Variants in NTM observed in about 807,000 individuals in gnomAD.
The protein encoded by NTM is IgLON family member 2.
Under a neutral mutation model 42.1 loss-of-function variants are expected in NTM, and 13 were observed. That is an observed-to-expected ratio of 0.31 (90% CI 0.20 to 0.49). NTM has a LOEUF of 0.49. Among genes scored for constraint, NTM ranks in the 20% least tolerant of loss-of-function variants. The probability of loss-of-function intolerance (pLI) is 0.99; values close to 1 mark genes in which losing one functional copy is unlikely to be tolerated. For missense variants in NTM, 373 were observed against 452.8 expected (o/e 0.82, Z 1.60); for synonymous variants, 187 against 179.2 (o/e 1.04, Z -0.35).
At chr11:132,132,129 T>A (rs2066932580) in intron 2 of NTM, among the ~76,000 whole-genome samples, 1 of 152,206 alleles carries the variant, frequency 6.6e-6, no homozygotes, top group Non-Finnish European at 1.5e-5. Flanking sequence ...TTCCTCTGCC[T>A]GACGTTTTAT....
At position 131,654,781 on chromosome 11, in the gene NTM, T is replaced by G. The variant is rs116971633; in HGVS notation, c.83-256783T>G. Among the ~76,000 whole-genome samples the G allele has an allele frequency of 6.5e-3, 989 of 152,250 alleles. 11 individuals carry two copies. Among genetic ancestry groups the G allele is most frequent in the Middle Eastern group, 0.017 (5 of 294 alleles). On this transcript the variant is annotated intron_variant, in intron 1 of 8. Transcript: ENST00000683400. ...GTGACACACCCACTCCCCTTGCCTT[T>G]TGCCATGAGTGGAAGCTCCCTGAGG...
Position 131,695,526 on chromosome 11 carries a change from G to A in NTM, c.83-216038G>A, listed in dbSNP as rs529583573. On this transcript the variant is annotated intron_variant, in intron 1 of 8. Coordinates refer to ENST00000683400, the MANE Select transcript of NTM (RefSeq NM_001352005.2). ...ATTTTCCAGGAAATGAGGTTGTCGG[G>A]TTTTGATCCAATAGCTCAGACTCTT... 7.2e-5 allele frequency among the ~76,000 whole-genome samples: 11 copies of A among 152,304 alleles called. No individual in the cohort carries two copies. In the South Asian group the frequency reaches 2.1e-3, roughly 29 times the overall value.
intron 1 of NTM, among the ~76,000 whole-genome samples, chr11:131,402,274 A>G (rs1046027464): frequency 4.6e-5 from 7 of 152,140 alleles, no homozygotes; most frequent in African/African-American, 1.4e-4. Context: ...GGTCTCTGCT[A>G]TAATACTCAG....
rs1229021847 is a variant in NTM, at chr11:132,335,364, G to A, written c.*218G>A. The A allele has an allele frequency of 1.8e-6, 1 of 545,850 alleles. No individual in the cohort carries two copies. Among genetic ancestry groups the A allele is most frequent in the African/African-American group, 1.9e-5 (1 of 51,978 alleles). The allele number at this position is 545,850 out of a possible 1,614,324, so 33.8% of individuals were successfully genotyped here. On this transcript the variant is annotated 3_prime_UTR_variant, in exon 9 of 9. Coordinates refer to ENST00000683400, the MANE Select transcript of NTM (RefSeq NM_001352005.2). ...TGAAAATTGCCTTGCAGATATTTAG[G>A]TACAATGGAGTTTTCTTTTCCCAAA...
intron 1 of NTM, among the ~76,000 whole-genome samples, chr11:131,542,925 G>GA (rs1182383148): frequency 6.6e-6 from 1 of 152,170 alleles, no homozygotes; most frequent in East Asian, 1.9e-4. Context: ...ATCCTCTAGG[G>GA]ATGTAAGCAC....
chr11:131,873,728 G>GTA lies in NTM; in HGVS notation c.83-37828_83-37827dup, dbSNP rs1157322683. Among the ~76,000 whole-genome samples, 191 of 139,826 alleles carry GTA rather than the reference G, an allele frequency of 1.4e-3. 1 individual carries two copies. Among genetic ancestry groups the GTA allele is most frequent in the Non-Finnish European group, 1.6e-3 (107 of 65,800 alleles). 91.7% of individuals were successfully genotyped at this position (139,826 alleles called of 152,430 possible). On this transcript the variant is annotated intron_variant, in intron 1 of 8. Transcript: ENST00000683400. ...ATATATACACACACACACTTTTAATGTATATATATCAGCTGATACATATAT... is the reference window on the plus strand; with the variant it reads ...ATATATACACACACACACTTTTAATGTATATATATATCAGCTGATACATATAT...
intron 1 of NTM, among the ~76,000 whole-genome samples, chr11:131,477,187 C>T (rs139771556): frequency 8.5e-4 from 129 of 152,212 alleles, no homozygotes; most frequent in African/African-American, 3.0e-3. Context: ...CTATTTGTAT[C>T]AGTGTGATCA....
intron 1 of NTM, among the ~76,000 whole-genome samples, chr11:131,838,115 GTTAT>G (rs963157085): frequency 6.6e-6 from 1 of 152,046 alleles, no homozygotes; most frequent in Non-Finnish European, 1.5e-5. Context: ...TTTTTTCACA[GTTAT>G]TTATTTATTT....
intron 2 of NTM, among the ~76,000 whole-genome samples, chr11:132,065,174 G>A (rs1005447189): frequency 2.0e-5 from 3 of 152,164 alleles, no homozygotes; most frequent in Non-Finnish European, 4.4e-5. Context: ...TGCATTCCCA[G>A]ACATTGAACA....
At chr11:132,298,700 G>T (rs1044192689) in intron 4 of NTM, among the ~76,000 whole-genome samples, 2 of 152,028 alleles carry the variant, frequency 1.3e-5, no homozygotes, top group Non-Finnish European at 2.9e-5. Flanking sequence ...ATTATTCCCA[G>T]ATTTCCCTAT....
At chr11:132,178,121 G>C (rs189628307) in intron 3 of NTM, among the ~76,000 whole-genome samples, 1 of 152,138 alleles carries the variant, frequency 6.6e-6, no homozygotes, top group Admixed American at 6.6e-5. Context: ...GCTGATAGAC[G>C]TCTTAGATAA....
At chr11:132,214,301 C>T (rs539095147) in intron 4 of NTM, among the ~76,000 whole-genome samples, 7 of 152,200 alleles carry the variant, frequency 4.6e-5, no homozygotes, top group Admixed American at 4.6e-4. Flanking sequence ...GGATGCCAGC[C>T]CAGTCTGTGC....
intron 2 of NTM, among the ~76,000 whole-genome samples, chr11:132,004,249 T>C (rs1342520620): frequency 6.6e-6 from 1 of 152,180 alleles, no homozygotes; most frequent in Non-Finnish European, 1.5e-5. Flanking sequence ...AATAAGAAAA[T>C]GTGAATTATA....
intron 2 of NTM, among the ~76,000 whole-genome samples, chr11:131,929,224 A>G (rs1366927322): frequency 6.6e-6 from 1 of 152,162 alleles, no homozygotes; most frequent in Non-Finnish European, 1.5e-5. Flanking sequence ...CTTGAGTGAG[A>G]TCTGATGAAT....
chr11:132,281,885 G>T (rs1331922083), intron 4 of NTM, among the ~76,000 whole-genome samples: 1 of 152,150 alleles, frequency 6.6e-6, no homozygotes, highest in Admixed American at 6.5e-5. Context: ...CTCAAAAAAA[G>T]TATTGTGATA....
chr11:131,929,724 A>G (rs1043346684), intron 2 of NTM, among the ~76,000 whole-genome samples: 12 of 152,152 alleles, frequency 7.9e-5, no homozygotes, highest in African/African-American at 1.9e-4. Flanking sequence ...GCCACTTCCA[A>G]TGGTCATATC....
intron 1 of NTM, among the ~76,000 whole-genome samples, chr11:131,432,553 A>T (rs1948736496): frequency 6.6e-6 from 1 of 152,186 alleles, no homozygotes; most frequent in African/African-American, 2.4e-5. Context: ...GACACAGTAC[A>T]GTGGGGCTGC....
chr11:132,219,098 A>C (rs2084550682), intron 4 of NTM, among the ~76,000 whole-genome samples: 1 of 151,968 alleles, frequency 6.6e-6, no homozygotes. Flanking sequence ...TTCTCCACAC[A>C]CTAGATGTCT....
intron 1 of NTM, among the ~76,000 whole-genome samples, chr11:131,854,037 T>C (rs1351397485): frequency 6.6e-6 from 1 of 152,246 alleles, no homozygotes; most frequent in Admixed American, 6.5e-5. Flanking sequence ...GGTTCATCTG[T>C]AGTAGTTTAG....
Sources: gnomAD v4.1 joint callset for allele counts (sites outside exome capture counted in the v4.1 genomes callset) on GRCh38, gnomAD v4.1.1 for gene constraint, MANE v1.5 for transcripts, NCBI Gene and HGNC (gene_info 2026-07-23, HGNC 2026-07-21) for gene names.